DDR2: variants seen among roughly 807,000 people sequenced by gnomAD.
DDR2 encodes discoidin domain-containing receptor 2.
Under a neutral mutation model 94.9 loss-of-function variants are expected in DDR2, and 27 were observed. The observed-to-expected ratio is 0.28, with a 90% CI of 0.21 to 0.39. The LOEUF (loss-of-function observed/expected upper bound fraction) is 0.39, where lower values mean the gene tolerates loss of function less well. DDR2 is among the 10% of genes least tolerant of loss of function. The pLI, the probability that DDR2 is intolerant of heterozygous loss-of-function variation, is 1.00. For synonymous variants in DDR2, 382 were observed against 377.2 expected (o/e 1.01, Z -0.15); for missense variants, 783 against 1,076.0 (o/e 0.73, Z 3.81).
chr1:162,719,977 C>G (rs933319475), intron 3 of DDR2, among the ~76,000 whole-genome samples: 1 of 152,074 alleles, frequency 6.6e-6, no homozygotes, highest in East Asian at 1.9e-4. Context: ...TGCACAGGAA[C>G]AAGACCAGAA....
At chr1:162,654,279 C>T (rs1571150345) in intron 1 of DDR2, among the ~76,000 whole-genome samples, 1 of 151,998 alleles carries the variant, frequency 6.6e-6, no homozygotes, top group South Asian at 2.1e-4. Context: ...GACCTGGTCT[C>T]TACAAAAAAT....
chr1:162,685,902 G>A (rs553182177), intron 2 of DDR2, among the ~76,000 whole-genome samples: 3 of 152,290 alleles, frequency 2.0e-5, no homozygotes, highest in African/African-American at 7.2e-5. Context: ...GCAGGGCTGA[G>A]ATTCATAATC....
At chr1:162,636,983 GGT>G (rs750058031) in intron 1 of DDR2, among the ~76,000 whole-genome samples, 3 of 151,658 alleles carry the variant, frequency 2.0e-5, no homozygotes, top group Admixed American at 2.0e-4. Context: ...CTTGAATAGT[GGT>G]GATTTAAAAA....
rs1003872488 is a variant in DDR2, at chr1:162,780,768, A to G, written c.*522A>G. The G allele has an allele frequency of 6.3e-6, 1 of 159,786 alleles. No individual in the cohort carries two copies. The highest frequency in any genetic ancestry group is 1.4e-5 in the Non-Finnish European group (1 of 72,582). 9.9% of individuals were successfully genotyped at this position (159,786 alleles called of 1,614,324 possible). A position where few individuals can be genotyped will look rare whatever the true frequency, so the allele number is the denominator to read the frequency against. On this transcript the variant is annotated 3_prime_UTR_variant, in exon 18 of 18. Transcript: ENST00000367921. ...TGGTTTTCTAATTTGGCCTCTGGAC[A>G]TGTCTCACTGTTTGTATTTCTCTCT...
chr1:162,650,790 A>G (rs1657651516), intron 1 of DDR2, among the ~76,000 whole-genome samples: 2 of 151,848 alleles, frequency 1.3e-5, no homozygotes, highest in Admixed American at 6.6e-5. Flanking sequence ...CAGTGGCTCG[A>G]TCTCAGCTCA....
chr1:162,734,405 T>C lies in DDR2; in HGVS notation c.82+15260T>C, dbSNP rs74470894. Among the ~76,000 whole-genome samples the C allele has an allele frequency of 5.1e-3, 778 of 152,272 alleles. 7 individuals carry two copies. The highest frequency in any genetic ancestry group is 0.018 in the African/African-American group (756 of 41,542). The stretch of plus-strand genomic sequence containing the variant: ...TTAATGCCAGACATCCTACTAGAAA[T>C]TGGAGATACAACAGAGGAAGATAGA... On this transcript the variant is annotated intron_variant, in intron 3 of 17. Transcript: ENST00000367921.
intron 2 of DDR2, among the ~76,000 whole-genome samples, chr1:162,674,572 A>G (rs1234541935): frequency 2.6e-5 from 4 of 152,212 alleles, no homozygotes; most frequent in Non-Finnish European, 5.9e-5. Flanking sequence ...AACCTGGTAA[A>G]GTGTGACATT....
intron 3 of DDR2, among the ~76,000 whole-genome samples, chr1:162,751,048 A>G (rs1663169144): frequency 6.6e-6 from 1 of 152,252 alleles, no homozygotes; most frequent in Non-Finnish European, 1.5e-5. Context: ...AAACCCTAGA[A>G]GAAAACCTAG....
chr1:162,766,359 A>C (rs777718181), intron 10 of DDR2, among the ~76,000 whole-genome samples: 11 of 152,254 alleles, frequency 7.2e-5, no homozygotes, highest in Non-Finnish European at 1.3e-4. Context: ...TTCCTGGGTC[A>C]GACCCATAGT....
chr1:162,631,190 G>C (rs1431447322), upstream of DDR2, among the ~76,000 whole-genome samples: 2 of 25,982 alleles, frequency 7.7e-5, no homozygotes, highest in Non-Finnish European at 2.4e-4. Flanking sequence ...CATTGTGTGT[G>C]TGTGTGTGTG....
In DDR2 at chr1:162,762,090, GT is replaced by G. The variant is rs1663775832; in HGVS notation, c.1099+637del. On this transcript the variant is annotated intron_variant, in intron 9 of 17. Transcript: ENST00000367921. ...CAAGTATGACTAACTGTCCATCAATGTCTTAATTCAGTTGACTTTATCAAAT... is the reference window on the plus strand; with the variant it reads ...CAAGTATGACTAACTGTCCATCAATGCTTAATTCAGTTGACTTTATCAAAT... Among the ~76,000 whole-genome samples, 16 of 152,256 alleles carry G rather than the reference GT, an allele frequency of 1.1e-4. No individual in the cohort carries two copies. The South Asian group carries it at 3.3e-3, about 32-fold the overall frequency.
chr1:162,757,953 A>G (rs993051433), intron 7 of DDR2, among the ~76,000 whole-genome samples: 1 of 152,176 alleles, frequency 6.6e-6, no homozygotes, highest in Non-Finnish European at 1.5e-5. Context: ...ACATTTATTT[A>G]TTCGACAAAT....
In DDR2 at chr1:162,633,500, T is replaced by C. The variant is rs530594324; in HGVS notation, c.-192+869T>C. 1.5e-3 allele frequency among the ~76,000 whole-genome samples: 229 copies of C among 152,310 alleles called. 4 individuals carry two copies. Among genetic ancestry groups the C allele is most frequent in the African/African-American group, 5.1e-3 (214 of 41,562 alleles). ...GGCCTTAGGCCTCTCATCTAACCCCTTCGCTCCACAGATGTAAAAAATGAT... is the reference window on the plus strand; with the variant it reads ...GGCCTTAGGCCTCTCATCTAACCCCCTCGCTCCACAGATGTAAAAAATGAT... On this transcript the variant is annotated intron_variant, in intron 1 of 17. Transcript: ENST00000367921.
At chr1:162,656,113 TC>T (rs1234836317) in intron 2 of DDR2, among the ~76,000 whole-genome samples, 4 of 152,194 alleles carry the variant, frequency 2.6e-5, no homozygotes, top group African/African-American at 9.7e-5. Context: ...CAGGCTAAAA[TC>T]CCACTGAGGA....
intron 3 of DDR2, among the ~76,000 whole-genome samples, chr1:162,750,358 A>G (rs1239973946): frequency 1.3e-5 from 2 of 152,216 alleles, no homozygotes; most frequent in African/African-American, 2.4e-5. Context: ...TAAGAGACAA[A>G]CAGAGAGCCA....
At position 162,786,558 on chromosome 1, in the gene DDR2, A is replaced by C. The variant is rs1174458950; in HGVS notation, c.*6312A>C. 1 of 152,240 alleles carries C rather than the reference A, an allele frequency of 6.6e-6. No homozygotes were observed. The highest frequency in any genetic ancestry group is 1.5e-5 in the Non-Finnish European group (1 of 68,032). 9.4% of individuals were successfully genotyped at this position (152,240 alleles called of 1,614,324 possible). ...ATAAATTGTAAATAACAATGATTAA[A>C]GAGTCATGCTACTGATGGATCTCCC... is the stretch of plus-strand genomic sequence containing the variant. On this transcript the variant is annotated 3_prime_UTR_variant, in exon 18 of 18. Coordinates refer to ENST00000367921, the MANE Select transcript of DDR2 (RefSeq NM_006182.4).
intron 11 of DDR2, among the ~76,000 whole-genome samples, chr1:162,768,959 GT>G (rs1664130858): frequency 6.6e-6 from 1 of 152,204 alleles, no homozygotes; most frequent in African/African-American, 2.4e-5. Context: ...AGTGAGGGTG[GT>G]GGTGAACTGA....
At position 162,644,544 on chromosome 1, in the gene DDR2, T is replaced by A. The variant is rs149386983; in HGVS notation, c.-191-10667T>A. ...TGTATGACACTTTCTTCTGAATACA[T>A]GAGGGTTAGATGAAAGTGGTGACAA... On this transcript the variant is annotated intron_variant, in intron 1 of 17. Transcript: ENST00000367921. Among the ~76,000 whole-genome samples the A allele has an allele frequency of 1.7e-4, 26 of 152,142 alleles. No homozygotes were observed. In the East Asian group the frequency reaches 5.0e-3, roughly 29 times the overall value.
chr1:162,647,293 ATGCAC>A (rs1657462526), intron 1 of DDR2, among the ~76,000 whole-genome samples: 2 of 152,184 alleles, frequency 1.3e-5, no homozygotes, highest in South Asian at 4.1e-4. Context: ...AAATATTTAA[ATGCAC>A]TTGAGGCCCA....
Sources: allele counts gnomAD v4.1 joint callset (sites outside exome capture counted in the v4.1 genomes callset), GRCh38; gene constraint gnomAD v4.1.1; transcripts MANE v1.5; gene names NCBI Gene and HGNC (gene_info 2026-07-23, HGNC 2026-07-21).